Variants in ADAR observed in about 807,000 individuals in gnomAD.
The protein encoded by ADAR is adenosine deaminase RNA specific.
A neutral mutation model predicts 113.2 loss-of-function variants in ADAR; 41 were observed. The ratio of observed to expected loss-of-function variants is 0.36; its 90% CI spans 0.28 to 0.47. ADAR has a LOEUF of 0.47. Ranked by LOEUF, ADAR falls within the 20% of genes least tolerant of loss-of-function variation. The probability of loss-of-function intolerance (pLI) is 1.00; values close to 1 mark genes in which losing one functional copy is unlikely to be tolerated. For synonymous variants in ADAR, 605 were observed against 572.6 expected, an observed-to-expected ratio of 1.06 and a Z score of -0.81; for missense variants, 1,242 against 1,540.9, an observed-to-expected ratio of 0.81 and a Z score of 3.25.
intron 11 of ADAR, among the ~76,000 whole-genome samples, chr1:154,587,661 G>A (rs1455431250): frequency 1.3e-5 from 2 of 152,202 alleles, no homozygotes; most frequent in South Asian, 2.1e-4. Flanking sequence ...GGATAGGAGA[G>A]AAGGAGCCAG....
At chr1:154,627,136 C>T (rs575385914) in intron 1 of ADAR, among the ~76,000 whole-genome samples, 13 of 152,330 alleles carry the variant, frequency 8.5e-5, no homozygotes, top group African/African-American at 3.1e-4. Flanking sequence ...GACAGGTATC[C>T]CTTTTTGGAA....
intron 1 of ADAR, among the ~76,000 whole-genome samples, 174 bp downstream of exon 1, chr1:154,607,818 C>T (rs1355742910): frequency 6.6e-6 from 1 of 151,806 alleles, no homozygotes; most frequent in East Asian, 1.9e-4. Flanking sequence ...CACCCACACA[C>T]ACACACTCAC....
rs1046161321 is a variant in ADAR at position 154,588,637 on chromosome 1, C to A, written c.2799G>T (p.Gln933His). ...GTTCAAATATACTATCCTTCGCAGT[C>A]TGGGAGTTGTATTTCATTAACTCAC... The part of the protein sequence containing the change: ...LYSELMKYNS[Q>H]TAKDSIFEPA... Residue 933 changes from glutamine to histidine, a missense_variant, in exon 10 of 15, where the codon CAG becomes CAT. Around this residue, in one of 2 missense-constraint regions of ADAR, gnomAD observed 780 missense variants for 1,057.9 expected, o/e 0.74. Transcript: ENST00000368474. 1 of 1,614,056 alleles carries A rather than the reference C, an allele frequency of 6.2e-7. No homozygotes were observed. Among genetic ancestry groups the A allele is most frequent in the African/African-American group, 1.3e-5 (1 of 74,918 alleles).
intron 6 of ADAR, among the ~76,000 whole-genome samples, chr1:154,591,503 A>G (rs1697145412): frequency 6.6e-6 from 1 of 152,206 alleles, no homozygotes; most frequent in South Asian, 2.1e-4. Flanking sequence ...TGGGCGCATG[A>G]GCTGCGCTGA....
At chr1:154,590,457 T>C (rs768087807) in intron 6 of ADAR, 48 bp from the exon 7 acceptor site, 7 of 1,579,360 alleles carry the variant, frequency 4.4e-6, no homozygotes, top group Middle Eastern at 1.7e-4. Flanking sequence ...GACCCTGACA[T>C]TGTTCCAAGG....
At position 154,585,335 on chromosome 1, in the gene ADAR, C is replaced by T; in HGVS notation, c.3325G>A (p.Val1109Ile). ...TGCCTTTTGGAATCATATATGCTGA[C>T]TCTGCCAACCTAGGAATCCCAGAAG... The part of the protein sequence containing the change: ...FIVNHPKVGR[V>I]SIYDSKRQSG... The change falls in exon 14 of 15, where the codon GTC (valine) becomes ATC (isoleucine). Residue 1109 changes from valine (V) to isoleucine (I), a missense_variant. Val to Ile is a conservative substitution (Grantham distance 29). This residue lies in a region of ADAR where 780 missense variants were observed against 1,057.9 expected (regional missense o/e 0.74). Transcript: ENST00000368474. 1 of 1,614,162 alleles carries T rather than the reference C, an allele frequency of 6.2e-7. No homozygotes were observed.
At position 154,597,289 on chromosome 1, in the gene ADAR, A is replaced by G. The variant is rs376395986; in HGVS notation, c.1935-22T>C. ...GAACCTGACAGGAGATGAAGCACGT[A>G]GAAGGATTAAAATGGTTTTGACTGA... On this transcript the variant is annotated intron_variant, in intron 4 of 14. Coordinates refer to ENST00000368474, the MANE Select transcript of ADAR (RefSeq NM_001111.5). 1.8e-5 allele frequency: 29 copies of G among 1,613,896 alleles called. No homozygotes were observed. In the African/African-American group the frequency reaches 3.9e-4, roughly 22 times the overall value.
chr1:154,583,552 A>G lies in ADAR; in HGVS notation c.*1254T>C, dbSNP rs965180211. On this transcript the variant is annotated 3_prime_UTR_variant, in exon 15 of 15. Coordinates refer to ENST00000368474, the MANE Select transcript of ADAR (RefSeq NM_001111.5). Reference sequence around the variant, plus strand: ...CTTTCACCCACAACTACTGCTTTCTATGTCAACCCTATAAAGATCAGGTCT... The same window carrying G: ...CTTTCACCCACAACTACTGCTTTCTGTGTCAACCCTATAAAGATCAGGTCT... The G allele has an allele frequency of 6.6e-6, 1 of 152,184 alleles. No homozygotes were observed. The highest frequency in any genetic ancestry group is 6.5e-5 in the Admixed American group (1 of 15,278). 9.4% of individuals were successfully genotyped at this position (152,184 alleles called of 1,614,324 possible).
chr1:154,584,898 T>C lies in ADAR; in HGVS notation c.3589A>G (p.Asn1197Asp). ...KAARDYETAK[N>D]YFKKGLKDMG... ...TCCTTCAGGCCTTTTTTGAAGTAGT[T>C]CTTGGCCGTCTCGTAGTCACGGGCA... The change falls in exon 15 of 15, where the codon AAC becomes GAC. Residue 1197 changes from asparagine (N) to aspartate (D), a missense_variant. Asn to Asp is a conservative substitution (Grantham distance 23). Transcript: ENST00000368474. 1 of 1,614,150 alleles carries C rather than the reference T, an allele frequency of 6.2e-7. No homozygotes were observed. The highest frequency in any genetic ancestry group is 8.5e-7 in the Non-Finnish European group (1 of 1,180,028).
Position 154,602,234 on chromosome 1 carries a change from G to T in ADAR, c.408C>A (p.Tyr136Ter). ...LSSHFQELSI[Y>*]QDQEQRILKF... ...TTAAGATCCTTTGTTCCTGATCTTG[G>T]TAGATACTCAGTTCCTGGAAATGTG... Residue 136 changes from tyrosine to a stop codon, truncating the protein, a stop_gained, in exon 2 of 15, where the codon TAC (tyrosine) becomes TAA (stop). Coordinates refer to ENST00000368474, the MANE Select transcript of ADAR (RefSeq NM_001111.5). LOFTEE classifies it high-confidence loss of function. 6.2e-7 allele frequency: 1 copy of T among 1,614,128 alleles called. No homozygotes were observed. The highest frequency in any genetic ancestry group is 8.5e-7 in the Non-Finnish European group (1 of 1,180,020).
At chr1:154,624,760 T>C (rs1056536551) in intron 1 of ADAR, among the ~76,000 whole-genome samples, 2 of 152,238 alleles carry the variant, frequency 1.3e-5, no homozygotes, top group Admixed American at 6.5e-5. Context: ...TAACAGATGT[T>C]ATAGCAAAAC....
At chr1:154,598,376 C>T in intron 3 of ADAR, 26 bp downstream of exon 3, 1 of 1,611,788 alleles carries the variant, frequency 6.2e-7, no homozygotes, top group East Asian at 2.2e-5. Flanking sequence ...GGAACTGATC[C>T]TCCCAGATGG....
intron 11 of ADAR, among the ~76,000 whole-genome samples, chr1:154,587,604 C>G (rs926854053): frequency 6.6e-6 from 1 of 152,126 alleles, no homozygotes; most frequent in Admixed American, 6.5e-5. Flanking sequence ...CTGACGTGGC[C>G]TGAACGCAAT....
At chr1:154,621,031 C>T (rs989119392) in intron 1 of ADAR, among the ~76,000 whole-genome samples, 12 of 152,088 alleles carry the variant, frequency 7.9e-5, no homozygotes, top group Non-Finnish European at 1.5e-4. Flanking sequence ...TTTATGGAAA[C>T]GCTAAGAACA....
chr1:154,603,772 G>T (rs769063075), intron 1 of ADAR, among the ~76,000 whole-genome samples: 1 of 152,024 alleles, frequency 6.6e-6, no homozygotes, highest in African/African-American at 2.4e-5. Flanking sequence ...AGACTGGGAG[G>T]AGGGATTCTG....
chr1:154,586,459 C>G (rs1229788653), intron 11 of ADAR, 96 bp from the exon 12 acceptor site: 8 of 1,211,560 alleles, frequency 6.6e-6, no homozygotes, highest in Non-Finnish European at 8.3e-6. Context: ...CCACAGGCTA[C>G]ATTCATTCAT....
upstream of ADAR, among the ~76,000 whole-genome samples, chr1:154,611,619 C>G (rs1698489588): frequency 6.6e-6 from 1 of 152,200 alleles, no homozygotes; most frequent in Non-Finnish European, 1.5e-5. Flanking sequence ...TCCGTGCCTA[C>G]CCTTCGAGCA....
intron 1 of ADAR, among the ~76,000 whole-genome samples, chr1:154,619,615 G>T (rs917405759): frequency 2.0e-5 from 3 of 152,058 alleles, no homozygotes; most frequent in African/African-American, 7.2e-5. Flanking sequence ...GAAGAGGAAG[G>T]TTAATAAGAA....
At chr1:154,626,122 G>T (rs1166593199) in intron 1 of ADAR, among the ~76,000 whole-genome samples, 1 of 138,044 alleles carries the variant, frequency 7.2e-6, no homozygotes. Context: ...AATAAAGTGA[G>T]TTTTTTTTTT....
Sources: gnomAD v4.1 joint callset for allele counts (sites outside exome capture counted in the v4.1 genomes callset) on GRCh38, gnomAD v4.1.1 for gene constraint, gnomAD v4.1.1 regional missense constraint, MANE v1.5 for transcripts, NCBI Gene and HGNC (gene_info 2026-07-23, HGNC 2026-07-21) for gene names.